The following SDCCAG8 variants were observed in gnomAD, a reference collection of about 807,000 sequenced individuals.
SDCCAG8 encodes the protein SHH signaling and ciliogenesis regulator SDCCAG8.
In SDCCAG8, 74 loss-of-function variants were observed where a neutral mutation model predicts 101.8. The ratio of observed to expected loss-of-function variants is 0.73; its 90% CI spans 0.60 to 0.88. The LOEUF is 0.88. Ranked by LOEUF, SDCCAG8 falls within the 40% of genes least tolerant of loss-of-function variation. The pLI, the probability that SDCCAG8 is intolerant of heterozygous loss-of-function variation, is 0.00. For missense variants in SDCCAG8, 787 were observed against 822.6 expected, an observed-to-expected ratio of 0.96 and a Z score of 0.53; for synonymous variants, 281 against 292.9, an observed-to-expected ratio of 0.96 and a Z score of 0.41.
intron 12 of SDCCAG8, among the ~76,000 whole-genome samples, chr1:243,348,711 C>G (rs1353628227): frequency 6.6e-6 from 1 of 151,650 alleles, no homozygotes; most frequent in African/African-American, 2.4e-5. Context: ...TGGTGGCTCA[C>G]GCCTGTAATC....
At chr1:243,448,535 A>G (rs1390633625) in intron 16 of SDCCAG8, among the ~76,000 whole-genome samples, 3 of 152,202 alleles carry the variant, frequency 2.0e-5, no homozygotes, top group Non-Finnish European at 4.4e-5. Context: ...CTTGTCTCTC[A>G]GAATTCACAG....
chr1:243,342,868 G>A (rs1205108227), intron 11 of SDCCAG8, among the ~76,000 whole-genome samples: 1 of 152,128 alleles, frequency 6.6e-6, no homozygotes, highest in African/African-American at 2.4e-5. Flanking sequence ...GGCTACTAGG[G>A]AGAAGCCTGT....
At chr1:243,498,839 A>C (rs1668739626) in intron 17 of SDCCAG8, among the ~76,000 whole-genome samples, 1 of 152,210 alleles carries the variant, frequency 6.6e-6, no homozygotes, top group African/African-American at 2.4e-5. Flanking sequence ...TTCCTAACTA[A>C]AGAAAGAGGG....
rs1208207565 is a variant in SDCCAG8, at chr1:243,353,299, TGG to T, written c.1473+8969_1473+8970del. 2.0e-5 allele frequency among the ~76,000 whole-genome samples: 3 copies of T among 151,696 alleles called. No homozygotes were observed. In the East Asian group the frequency reaches 5.8e-4, roughly 30 times the overall value. ...TGAGGTCAGGAGTTCGAGGCCAGCCTGGCCAACGTGGTAAAACCGTGCATCTA... is the reference window on the plus strand; with the variant it reads ...TGAGGTCAGGAGTTCGAGGCCAGCCTCCAACGTGGTAAAACCGTGCATCTA... On this transcript the variant is annotated intron_variant, in intron 12 of 17. Coordinates refer to ENST00000366541, the MANE Select transcript of SDCCAG8 (RefSeq NM_006642.5).
At chr1:243,378,669 T>A in intron 12 of SDCCAG8, 52 bp from the exon 13 acceptor site, 1 of 1,581,902 alleles carries the variant, frequency 6.3e-7, no homozygotes, top group East Asian at 2.2e-5. Context: ...TAATTTTGAA[T>A]TCAAGTGCAT....
intron 13 of SDCCAG8, among the ~76,000 whole-genome samples, chr1:243,410,080 C>T (rs2080066220): frequency 6.6e-6 from 1 of 152,146 alleles, no homozygotes; most frequent in Non-Finnish European, 1.5e-5. Context: ...TGGGACAGCT[C>T]ACCTAACTGC....
At chr1:243,420,178 C>G (rs1169707388) in intron 15 of SDCCAG8, among the ~76,000 whole-genome samples, 1 of 152,210 alleles carries the variant, frequency 6.6e-6, no homozygotes, top group African/African-American at 2.4e-5. Context: ...ATCTCACTCT[C>G]CCACTTGGAG....
In SDCCAG8 at chr1:243,498,666, A is replaced by T. The variant is rs9428575; in HGVS notation, c.2113-1090A>T. 7.2e-5 allele frequency among the ~76,000 whole-genome samples: 11 copies of T among 152,332 alleles called. No individual in the cohort carries two copies. In the East Asian group the frequency reaches 1.9e-3, roughly 27 times the overall value. On this transcript the variant is annotated intron_variant, in intron 17 of 17. Coordinates refer to ENST00000366541, the MANE Select transcript of SDCCAG8 (RefSeq NM_006642.5). ...CATAAAAGGCAACAGGCTGATGTTC[A>T]TATATTTCTCTTGAATGCGGATTCA...
intron 13 of SDCCAG8, among the ~76,000 whole-genome samples, chr1:243,384,284 G>A (rs1438218412): frequency 6.6e-6 from 1 of 152,088 alleles, no homozygotes; most frequent in African/African-American, 2.4e-5. Flanking sequence ...TGAAAATGGT[G>A]ACTGTATTCC....
chr1:243,329,788 A>G (rs1231091317), intron 9 of SDCCAG8, among the ~76,000 whole-genome samples: 3 of 152,202 alleles, frequency 2.0e-5, no homozygotes, highest in East Asian at 3.8e-4. Context: ...ATTGGGTGTT[A>G]TAAATAAAGA....
intron 10 of SDCCAG8, among the ~76,000 whole-genome samples, chr1:243,332,691 T>A (rs991721875): frequency 1.3e-5 from 2 of 151,952 alleles, no homozygotes; most frequent in Non-Finnish European, 2.9e-5. Context: ...AGTCCAGGTC[T>A]GGAGGTGATT....
At chr1:243,317,767 C>A (rs2073386794) in intron 9 of SDCCAG8, among the ~76,000 whole-genome samples, 1 of 152,168 alleles carries the variant, frequency 6.6e-6, no homozygotes. Flanking sequence ...ATTTGGGGGC[C>A]ACACCGTAAT....
chr1:243,276,084 G>T (rs7525348), intron 4 of SDCCAG8, among the ~76,000 whole-genome samples: 1 of 151,708 alleles, frequency 6.6e-6, no homozygotes, highest in Non-Finnish European at 1.5e-5. Context: ...GCATGGTCTC[G>T]ATCTCTTGAC....
intron 13 of SDCCAG8, among the ~76,000 whole-genome samples, chr1:243,381,973 AG>A (rs753436637): frequency 2.6e-5 from 4 of 152,226 alleles, no homozygotes; most frequent in Non-Finnish European, 5.9e-5. Flanking sequence ...GATATTTGGC[AG>A]CAATCTTGAT....
At chr1:243,438,616 G>A (rs965116205) in intron 16 of SDCCAG8, among the ~76,000 whole-genome samples, 2 of 152,020 alleles carry the variant, frequency 1.3e-5, no homozygotes, top group African/African-American at 2.4e-5. Context: ...TAGACCTGGA[G>A]GAGTCTTTCT....
At chr1:243,434,992 G>A (rs2082041234) in intron 16 of SDCCAG8, among the ~76,000 whole-genome samples, 1 of 152,152 alleles carries the variant, frequency 6.6e-6, no homozygotes, top group Non-Finnish European at 1.5e-5. Context: ...CCTGGGATAG[G>A]CCCACTACCC....
chr1:243,270,323 T>G, intron 2 of SDCCAG8, 66 bp downstream of exon 2: 1 of 1,375,328 alleles, frequency 7.3e-7, no homozygotes, highest in Non-Finnish European at 1.0e-6. Flanking sequence ...CGTAGAATAA[T>G]AACTCCATTC....
intron 4 of SDCCAG8, among the ~76,000 whole-genome samples, chr1:243,281,254 G>T (rs138540336): frequency 6.9e-6 from 1 of 144,364 alleles, no homozygotes; most frequent in Non-Finnish European, 1.5e-5. Context: ...AAATCTATCT[G>T]TGTCTTCGTA....
Position 243,293,202 on chromosome 1 carries a change from G to T in SDCCAG8, c.658G>T (p.Gly220Cys), listed in dbSNP as rs2070446274. 6.2e-7 allele frequency: 1 copy of T among 1,613,882 alleles called. No homozygotes were observed. The highest frequency in any genetic ancestry group is 1.7e-5 in the Admixed American group (1 of 59,992). The change falls in exon 6 of 18, where the codon GGT (glycine) becomes TGT (cysteine). Residue 220 changes from glycine (G) to cysteine (C), a missense_variant. Transcript: ENST00000366541. ...NADFGKAASAGEQLELEKLKL... is the reference protein window; with the variant it reads ...NADFGKAASACEQLELEKLKL... The stretch of plus-strand genomic sequence containing the variant: ...AGATTTTGGCAAAGCTGCATCTGCT[G>T]GTGAGCAGCTAGAACTGGTGAGTAT...
Sources: allele counts gnomAD v4.1 joint callset (sites outside exome capture counted in the v4.1 genomes callset), GRCh38; gene constraint gnomAD v4.1.1; transcripts MANE v1.5; gene names NCBI Gene and HGNC (gene_info 2026-07-23, HGNC 2026-07-21).